Variants in CAMK2A observed in about 807,000 individuals in gnomAD.
CAMK2A encodes calcium/calmodulin-dependent protein kinase type II subunit alpha.
A neutral mutation model predicts 79.2 loss-of-function variants in CAMK2A; 7 were observed. The observed-to-expected ratio is 0.09, with a 90% CI of 0.05 to 0.17. The LOEUF (loss-of-function observed/expected upper bound fraction) is 0.17, where lower values mean the gene tolerates loss of function less well. CAMK2A is among the 10% of genes least tolerant of loss of function. The pLI is 1.00. For missense variants in CAMK2A, 214 were observed against 646.4 expected, an observed-to-expected ratio of 0.33 and a Z score of 7.25; for synonymous variants, 242 against 251.7, an observed-to-expected ratio of 0.96 and a Z score of 0.36.
At chr5:150,235,471 A>G (rs2114033811) in intron 15 of CAMK2A, among the ~76,000 whole-genome samples, 1 of 152,354 alleles carries the variant, frequency 6.6e-6, no homozygotes, top group South Asian at 2.1e-4. Flanking sequence ...AGAGGTTAAG[A>G]CACTCTCTCA....
intron 13 of CAMK2A, among the ~76,000 whole-genome samples, chr5:150,242,730 G>A (rs1457059436): frequency 2.6e-5 from 4 of 152,168 alleles, no homozygotes; most frequent in East Asian, 3.9e-4. Context: ...CTTGACTTGC[G>A]ATCCAGTTTC....
At chr5:150,247,697 C>T in intron 12 of CAMK2A, 75 bp downstream of exon 12, 1 of 1,275,196 alleles carries the variant, frequency 7.8e-7, no homozygotes, top group East Asian at 2.4e-5. Context: ...TGGGGGCACT[C>T]CAATATCTGA....
chr5:150,279,286 T>C (rs950859596), intron 1 of CAMK2A, among the ~76,000 whole-genome samples: 9 of 152,198 alleles, frequency 5.9e-5, no homozygotes, highest in African/African-American at 2.2e-4. Context: ...ACTGCCACAT[T>C]GGAGAGCGCG....
At chr5:150,241,339 T>C (rs76766256) in intron 13 of CAMK2A, among the ~76,000 whole-genome samples, 3,538 of 146,626 alleles carry the variant, frequency 0.024, 152 homozygotes, top group African/African-American at 0.083. Flanking sequence ...CCTCCTCTCC[T>C]TCCTCTCCTC....
intron 1 of CAMK2A, among the ~76,000 whole-genome samples, chr5:150,273,689 C>T (rs1464849171): frequency 6.6e-6 from 1 of 152,150 alleles, no homozygotes; most frequent in East Asian, 1.9e-4. Context: ...ATAGAGTTCT[C>T]CACCTTCCTT....
In CAMK2A at chr5:150,251,706, G is replaced by C. The variant is rs367552746; in HGVS notation, c.693+44C>G. 4.6e-5 allele frequency: 66 copies of C among 1,429,174 alleles called. No homozygotes were observed. In the African/African-American group the frequency reaches 7.8e-4, roughly 17 times the overall value. The allele number at this position is 1,429,174 out of a possible 1,614,324, so 88.5% of individuals were successfully genotyped here. On this transcript the variant is annotated intron_variant, in intron 9 of 18. Transcript: ENST00000671881. ...GCTTGGCGCTGGCTTTCACTGGAAG[G>C]GCACCAGAGGATGATGGGAGCTGAA...
chr5:150,245,332 G>A (rs1755517916), intron 12 of CAMK2A, 131 bp from the exon 13 acceptor site: 2 of 735,856 alleles, frequency 2.7e-6, no homozygotes, highest in Non-Finnish European at 4.6e-6. Context: ...AGCGATCCTG[G>A]GGGAGGCCTC....
At position 150,287,773 on chromosome 5, in the gene CAMK2A, A is replaced by T. The variant is rs58911862; in HGVS notation, c.62+1791T>A. On this transcript the variant is annotated intron_variant, in intron 1 of 18. Coordinates refer to ENST00000671881, the MANE Select transcript of CAMK2A (RefSeq NM_015981.4). ...GAGAGGGGTCCCTGCACAAGTTTGTAGACAGCCTCAGTCCTCCAGAGCAGC... is the reference window on the plus strand; with the variant it reads ...GAGAGGGGTCCCTGCACAAGTTTGTTGACAGCCTCAGTCCTCCAGAGCAGC... Among the ~76,000 whole-genome samples the T allele has an allele frequency of 6.2e-3, 950 of 152,250 alleles. 21 individuals carry two copies. Among genetic ancestry groups the T allele is most frequent in the African/African-American group, 0.022 (910 of 41,530 alleles).
At chr5:150,243,411 G>C (rs1451895962) in intron 13 of CAMK2A, among the ~76,000 whole-genome samples, 1 of 152,192 alleles carries the variant, frequency 6.6e-6, no homozygotes, top group Non-Finnish European at 1.5e-5. Flanking sequence ...CTCCAAAGCT[G>C]GCAGCTCCCA....
At position 150,261,140 on chromosome 5, in the gene CAMK2A, C is replaced by T. The variant is rs78391890; in HGVS notation, c.218-3523G>A. Among the ~76,000 whole-genome samples, 544 of 113,382 alleles carry T rather than the reference C, an allele frequency of 4.8e-3. 2 individuals carry two copies. The highest frequency in any genetic ancestry group is 0.015 in the African/African-American group (516 of 33,646). The allele number at this position is 113,382 out of a possible 152,430, so 74.4% of individuals were successfully genotyped here. The stretch of plus-strand genomic sequence containing the variant: ...TGAGGGAGGTTTTCTCCAGAGCTGA[C>T]TCTCCCTCAGATGGTGACTTTGTGT... On this transcript the variant is annotated intron_variant, in intron 3 of 18. Transcript: ENST00000671881.
At chr5:150,280,690 C>T (rs569399483) in intron 1 of CAMK2A, among the ~76,000 whole-genome samples, 23 of 152,220 alleles carry the variant, frequency 1.5e-4, no homozygotes, top group African/African-American at 4.8e-4. Flanking sequence ...ATGCACCTTG[C>T]CTGCCCCACC....
At chr5:150,263,637 A>C (rs1756390307) in intron 3 of CAMK2A, among the ~76,000 whole-genome samples, 1 of 151,984 alleles carries the variant, frequency 6.6e-6, no homozygotes, top group South Asian at 2.1e-4. Context: ...ATTCACACAC[A>C]TATTCACTCA....
intron 3 of CAMK2A, among the ~76,000 whole-genome samples, chr5:150,258,155 G>A (rs1053424342): frequency 6.6e-6 from 1 of 152,230 alleles, no homozygotes. Context: ...GAGGCCAGAG[G>A]CAGGAGTGAA....
In CAMK2A at chr5:150,256,909, A is replaced by G; in HGVS notation, c.273-78T>C. 7.7e-7 allele frequency: 1 copy of G among 1,294,762 alleles called. No homozygotes were observed. Among genetic ancestry groups the G allele is most frequent in the Non-Finnish European group, 1.1e-6 (1 of 920,774 alleles). 80.2% of individuals were successfully genotyped at this position (1,294,762 alleles called of 1,614,324 possible). Reference sequence around the variant, plus strand: ...CATCTGGAGGAGTCTCCAGGAAACTAAGGATGGGGCCCAGGGACCTCAGGA... The same window carrying G: ...CATCTGGAGGAGTCTCCAGGAAACTGAGGATGGGGCCCAGGGACCTCAGGA... On this transcript the variant is annotated intron_variant, in intron 4 of 18. Coordinates refer to ENST00000671881, the MANE Select transcript of CAMK2A (RefSeq NM_015981.4). The surrounding 1 kb of genome is among the most constrained non-coding windows in gnomAD (Gnocchi z 4.6).
intron 1 of CAMK2A, among the ~76,000 whole-genome samples, chr5:150,282,134 G>A (rs187695282): frequency 2.0e-5 from 3 of 152,182 alleles, no homozygotes; most frequent in East Asian, 1.9e-4. Context: ...CCTCTCGACC[G>A]CCTGAGGCTG....
intron 11 of CAMK2A, among the ~76,000 whole-genome samples, chr5:150,248,634 C>T (rs961225518): frequency 2.6e-5 from 4 of 151,968 alleles, no homozygotes. Flanking sequence ...TGGTTTCCAG[C>T]TTCATCCATG....
At chr5:150,268,880 C>A (rs1265443344) in intron 2 of CAMK2A, among the ~76,000 whole-genome samples, 2 of 152,164 alleles carry the variant, frequency 1.3e-5, no homozygotes, top group Non-Finnish European at 1.5e-5. Context: ...CCTTCTCTGC[C>A]TCCCTCTTGA....
In CAMK2A at chr5:150,222,455, C is replaced by A. The variant is rs1356265162; in HGVS notation, c.*255G>T. The A allele has an allele frequency of 2.9e-6, 2 of 700,218 alleles. No individual in the cohort carries two copies. Among genetic ancestry groups the A allele is most frequent in the East Asian group, 2.7e-5 (1 of 37,426 alleles). The allele number at this position is 700,218 out of a possible 1,614,324, so 43.4% of individuals were successfully genotyped here. A position where few individuals can be genotyped will look rare whatever the true frequency, so the allele number is the denominator to read the frequency against. On this transcript the variant is annotated 3_prime_UTR_variant, in exon 19 of 19. Transcript: ENST00000671881. ...GGAGAGGGGGCCAGTGCTGTGGACACCCATGCCTGAGGAAGCCCCAGCCTG... is the reference window on the plus strand; with the variant it reads ...GGAGAGGGGGCCAGTGCTGTGGACAACCATGCCTGAGGAAGCCCCAGCCTG...
chr5:150,243,723 G>T (rs1011509181), intron 13 of CAMK2A, among the ~76,000 whole-genome samples: 2 of 152,194 alleles, frequency 1.3e-5, no homozygotes, highest in Non-Finnish European at 2.9e-5. Context: ...AGCTCTCAGG[G>T]CGCATTGTAT....
Sources: allele counts gnomAD v4.1 joint callset (sites outside exome capture counted in the v4.1 genomes callset), GRCh38; gene constraint gnomAD v4.1.1; non-coding constraint Gnocchi (gnomAD v3.1); transcripts MANE v1.5; gene names NCBI Gene and HGNC (gene_info 2026-07-23, HGNC 2026-07-21).